ITGAD: variants seen among roughly 807,000 people sequenced by gnomAD.
The protein encoded by ITGAD is integrin subunit alpha D, also known as integrin alpha-D.
Under a neutral mutation model 139.0 loss-of-function variants are expected in ITGAD, and 105 were observed. The ratio of observed to expected loss-of-function variants is 0.76; its 90% CI spans 0.65 to 0.89. The LOEUF (loss-of-function observed/expected upper bound fraction) is 0.89, where lower values mean the gene tolerates loss of function less well. Among genes scored for constraint, ITGAD ranks in the 40% least tolerant of loss-of-function variants. ITGAD has a pLI of 0.00. For missense variants in ITGAD, 1,384 were observed against 1,487.3 expected, an observed-to-expected ratio of 0.93 and a Z score of 1.14; for synonymous variants, 569 against 598.3, an observed-to-expected ratio of 0.95 and a Z score of 0.71.
intron 12 of ITGAD, 28 bp downstream of exon 12, chr16:31,410,906 G>A (rs756269384): frequency 6.2e-7 from 1 of 1,609,182 alleles, no homozygotes; most frequent in Non-Finnish European, 8.5e-7. Flanking sequence ...CCAGAGGGGA[G>A]GATGAGGGTG....
intron 23 of ITGAD, among the ~76,000 whole-genome samples, chr16:31,419,832 G>GA (rs1175333240): frequency 1.4e-4 from 19 of 131,112 alleles, no homozygotes; most frequent in African/African-American, 2.2e-4. Context: ...AAAAAAAAAA[G>GA]AAAAAAAAAG....
chr16:31,404,359 G>T (rs576539902), intron 7 of ITGAD: 9 of 152,026 alleles, frequency 5.9e-5, no homozygotes, highest in African/African-American at 1.9e-4. Flanking sequence ...GCTGACGGTC[G>T]GGGATCCTTG....
At position 31,411,216 on chromosome 16, in the gene ITGAD, G is replaced by T. The variant is rs2081699326; in HGVS notation, c.1497G>T (p.Gly499=). The change falls in exon 13 of 30, where the codon GGG becomes GGT. Residue 499 remains glycine, a splice_region_variant and synonymous_variant. Transcript: ENST00000389202. The part of the protein sequence containing the change: ...GQVSVCPLPR[G]RVQWQCDAVL... Reference sequence around the variant, plus strand: ...TGTCCGTGTGTCCCTTGCCTAGGGGGGTGAGTGGCTGATGGGACCTAGGCT... The same window carrying T: ...TGTCCGTGTGTCCCTTGCCTAGGGGTGTGAGTGGCTGATGGGACCTAGGCT... 1.2e-6 allele frequency: 2 copies of T among 1,613,236 alleles called. No individual in the cohort carries two copies. Among genetic ancestry groups the T allele is most frequent in the African/African-American group, 2.7e-5 (2 of 75,008 alleles).
In ITGAD at chr16:31,408,357, CTCCCTGTGTTCTGAG is replaced by C. The variant is rs2081592677; in HGVS notation, c.1010-64_1010-50del. 15 of 1,331,158 alleles carry C rather than the reference CTCCCTGTGTTCTGAG, an allele frequency of 1.1e-5. No homozygotes were observed. The South Asian group carries it at 1.8e-4, about 16-fold the overall frequency. 82.5% of individuals were successfully genotyped at this position (1,331,158 alleles called of 1,614,324 possible). The stretch of plus-strand genomic sequence containing the variant: ...AACCCAAGCCTCAGATCATGTTCTC[CTCCCTGTGTTCTGAG>C]TCCTCATGGGTCTCATGGCTTCTAG... On this transcript the variant is annotated intron_variant, in intron 9 of 29. Transcript: ENST00000389202.
In ITGAD at chr16:31,418,433, A is replaced by T. The variant is rs887119907; in HGVS notation, c.2697-48A>T. On this transcript the variant is annotated intron_variant, in intron 22 of 29. Coordinates refer to ENST00000389202, the MANE Select transcript of ITGAD (RefSeq NM_005353.3). ...CCTCCATCGCATGCCCCGGCTAGAG[A>T]CCCCTCTCCTGGATTCCTTCCCATT... 2.5e-6 allele frequency: 4 copies of T among 1,607,412 alleles called. No homozygotes were observed. The African/African-American group carries it at 5.4e-5, about 22-fold the overall frequency.
At chr16:31,424,404 T>C (rs2082070484) in intron 28 of ITGAD, 63 bp from the exon 29 acceptor site, 19 of 1,402,586 alleles carry the variant, frequency 1.4e-5, no homozygotes, top group Non-Finnish European at 1.6e-5. Flanking sequence ...GAGTTAAAGG[T>C]TGCGGAACCT....
chr16:31,425,642 T>C (rs2082098039), intron 29 of ITGAD, among the ~76,000 whole-genome samples: 1 of 152,112 alleles, frequency 6.6e-6, no homozygotes, highest in South Asian at 2.1e-4. Flanking sequence ...CCTGCCCTCT[T>C]ACCCAGCTTT....
chr16:31,415,323 A>AATG (rs1310562820), intron 18 of ITGAD, among the ~76,000 whole-genome samples: 11 of 152,170 alleles, frequency 7.2e-5, no homozygotes, highest in East Asian at 5.8e-4. Context: ...CTGGTCCTAA[A>AATG]ATGCAAATCT....
chr16:31,424,296 G>A (rs2082068475), intron 28 of ITGAD, 93 bp downstream of exon 28: 3 of 1,492,090 alleles, frequency 2.0e-6, no homozygotes, highest in Non-Finnish European at 2.8e-6. Context: ...AGCCTTGCGG[G>A]AGGAGGGTGA....
Position 31,407,916 on chromosome 16 carries a change from G to C in ITGAD, c.1009G>C (p.Gly337Arg). 1 of 1,581,012 alleles carries C rather than the reference G, an allele frequency of 6.3e-7. No homozygotes were observed. Among genetic ancestry groups the C allele is most frequent in the Non-Finnish European group, 8.7e-7 (1 of 1,155,544 alleles). Reference protein sequence around the residue: ...QLQEKIYAVEGTQSRASSSFQ... With the variant: ...QLQEKIYAVERTQSRASSSFQ... ...GCAGGAGAAGATCTATGCAGTTGAG[G>C]GTAAATGGAAGCAAGGGTGCGCCTG... The change falls in exon 9 of 30, where the codon GGA becomes CGA. Residue 337 changes from glycine (G) to arginine (R), a missense_variant and splice_region_variant. Coordinates refer to ENST00000389202, the MANE Select transcript of ITGAD (RefSeq NM_005353.3).
In ITGAD at chr16:31,402,078, C is replaced by A. The variant is rs199582165; in HGVS notation, c.428-37C>A. On this transcript the variant is annotated intron_variant, in intron 5 of 29. Coordinates refer to ENST00000389202, the MANE Select transcript of ITGAD (RefSeq NM_005353.3). Reference sequence around the variant, plus strand: ...GAGCTGCAGGAGGGGGTTGGGCCCCCGCAGTGCATCTCCGATTCCTCCCCA... The same window carrying A: ...GAGCTGCAGGAGGGGGTTGGGCCCCAGCAGTGCATCTCCGATTCCTCCCCA... 60 of 1,603,784 alleles carry A rather than the reference C, an allele frequency of 3.7e-5. No individual in the cohort carries two copies. The African/African-American group carries it at 6.8e-4, about 18-fold the overall frequency.
In ITGAD at chr16:31,403,537, A is replaced by T. The variant is rs779382137; in HGVS notation, c.596A>T (p.His199Leu). The T allele has an allele frequency of 6.2e-7, 1 of 1,614,152 alleles. No individual in the cohort carries two copies. Among genetic ancestry groups the T allele is most frequent in the Non-Finnish European group, 8.5e-7 (1 of 1,180,032 alleles). ...LMQYSNLLKI[H>L]FTFTQFRTSP... ...CAGTACTCAAACCTCCTGAAGATCC[A>T]CTTCACCTTCACCCAATTCCGGACC... The change falls in exon 7 of 30, where the codon CAC (histidine) becomes CTC (leucine). Residue 199 changes from histidine to leucine, a missense_variant. Coordinates refer to ENST00000389202, the MANE Select transcript of ITGAD (RefSeq NM_005353.3). This position sits in a 1 kb window ranked among gnomAD's most constrained non-coding sequence, Gnocchi z 4.4.
In ITGAD at chr16:31,423,623, C is replaced by T. The variant is rs748445319; in HGVS notation, c.3020C>T (p.Thr1007Ile). 5.0e-6 allele frequency: 8 copies of T among 1,614,064 alleles called. No individual in the cohort carries two copies. The highest frequency in any genetic ancestry group is 6.8e-6 in the Non-Finnish European group (8 of 1,179,966). ...RKPPQHSDFL[T>I]QISRSPMLDC... ...CCTCCCCAGCATTCTGACTTCCTGA[C>T]CCAGATTTCAAGAAGTCCCATGCTG... Residue 1007 changes from threonine (T) to isoleucine (I), a missense_variant, in exon 26 of 30, where the codon ACC (threonine) becomes ATC (isoleucine). Coordinates refer to ENST00000389202, the MANE Select transcript of ITGAD (RefSeq NM_005353.3).
intron 7 of ITGAD, among the ~76,000 whole-genome samples, chr16:31,404,861 T>TCTCCCTTCC (rs1323982772): frequency 1.3e-5 from 2 of 150,420 alleles, no homozygotes; most frequent in Non-Finnish European, 3.0e-5. Flanking sequence ...TTCCTCCCTT[T>TCTCCCTTCC]CTCCCTTCCC....
chr16:31,417,940 C>G lies in ITGAD; in HGVS notation c.2500-135C>G, dbSNP rs573765123. The G allele has an allele frequency of 1.7e-4, 102 of 597,782 alleles. No homozygotes were observed. The African/African-American group carries it at 4.6e-3, about 27-fold the overall frequency. The allele number at this position is 597,782 out of a possible 1,614,324, so 37.0% of individuals were successfully genotyped here. A position where few individuals can be genotyped will look rare whatever the true frequency, so the allele number is the denominator to read the frequency against. ...CCAGCCTGGGTGACAAGAGTGAAATCCGTCTCAAAAAAAAACAACAACAAA... is the reference window on the plus strand; with the variant it reads ...CCAGCCTGGGTGACAAGAGTGAAATGCGTCTCAAAAAAAAACAACAACAAA... On this transcript the variant is annotated intron_variant, in intron 20 of 29. Coordinates refer to ENST00000389202, the MANE Select transcript of ITGAD (RefSeq NM_005353.3).
chr16:31,415,080 C>A, intron 18 of ITGAD, 89 bp downstream of exon 18: 2 of 1,473,380 alleles, frequency 1.4e-6, no homozygotes, highest in South Asian at 2.4e-5. Context: ...CAACACCCAA[C>A]CACATCCAGT....
chr16:31,409,753 TA>T (rs377029375), intron 10 of ITGAD, among the ~76,000 whole-genome samples: 18 of 149,208 alleles, frequency 1.2e-4, no homozygotes, highest in Non-Finnish European at 1.2e-4. Context: ...CTACAAAAAA[TA>T]AAAAAAAATT....
intron 10 of ITGAD, among the ~76,000 whole-genome samples, chr16:31,409,314 A>C (rs11865771): frequency 0.62 from 90,192 of 146,560 alleles, 27,759 homozygotes; most frequent in Middle Eastern, 0.73. Flanking sequence ...ACAACAACAA[A>C]AACAAAAACA....
At chr16:31,402,006 A>T in intron 5 of ITGAD, 109 bp from the exon 6 acceptor site, 1 of 1,322,300 alleles carries the variant, frequency 7.6e-7, no homozygotes, top group Non-Finnish European at 1.0e-6. Flanking sequence ...GAGGGGTCGG[A>T]AACTAGGTGG....
Sources: allele counts gnomAD v4.1 joint callset (sites outside exome capture counted in the v4.1 genomes callset), GRCh38; gene constraint gnomAD v4.1.1; non-coding constraint Gnocchi (gnomAD v3.1); transcripts MANE v1.5; gene names NCBI Gene and HGNC (gene_info 2026-07-23, HGNC 2026-07-21).